FAM81A: variants seen among roughly 807,000 people sequenced by gnomAD.
FAM81A encodes the protein family with sequence similarity 81 member A.
FAM81A carries 19 observed loss-of-function variants against 46.7 expected under a neutral mutation model. That is an observed-to-expected ratio of 0.41 (90% CI 0.28 to 0.60). The LOEUF (loss-of-function observed/expected upper bound fraction) is 0.60. FAM81A is among the 20% of genes least tolerant of loss of function. FAM81A has a pLI of 0.34. For missense variants in FAM81A, 377 were observed against 453.5 expected, an observed-to-expected ratio of 0.83 and a Z score of 1.53; for synonymous variants, 183 against 152.9, an observed-to-expected ratio of 1.20 and a Z score of -1.45.
chr15:59,492,880 T>C (rs2081996196), intron 4 of FAM81A, among the ~76,000 whole-genome samples: 1 of 152,148 alleles, frequency 6.6e-6, no homozygotes, highest in African/African-American at 2.4e-5. Context: ...ACCTGGGACC[T>C]TGTTAGAAAT....
In FAM81A at chr15:59,455,421, A is replaced by G. The variant is rs530237017; in HGVS notation, c.-77-3129A>G. Among the ~76,000 whole-genome samples the G allele has an allele frequency of 6.6e-5, 10 of 152,354 alleles. No individual in the cohort carries two copies. The South Asian group carries it at 1.9e-3, about 28-fold the overall frequency. On this transcript the variant is annotated intron_variant, in intron 1 of 8. Coordinates refer to ENST00000288228, the MANE Select transcript of FAM81A (RefSeq NM_152450.3). ...TCAGTGATCAGATTTATAAACGTAC[A>G]GGAGATGATAACCTCAGGCAGGTAA...
In FAM81A at chr15:59,523,054, A is replaced by G. The variant is rs1233803809; in HGVS notation, c.*1676A>G. ...TTCATGTGGTTCTCCACGTTTAAGC[A>G]CAAACCACAGCACAGGAAGCCACAC... is the stretch of plus-strand genomic sequence containing the variant. On this transcript the variant is annotated 3_prime_UTR_variant, in exon 9 of 9. Transcript: ENST00000288228. 1 of 152,248 alleles carries G rather than the reference A, an allele frequency of 6.6e-6. No homozygotes were observed. Among genetic ancestry groups the G allele is most frequent in the Non-Finnish European group, 1.5e-5 (1 of 68,038 alleles). The allele number at this position is 152,248 out of a possible 1,614,324, so 9.4% of individuals were successfully genotyped here.
intron 2 of FAM81A, among the ~76,000 whole-genome samples, chr15:59,416,994 G>A (rs974544049): frequency 3.9e-5 from 6 of 152,166 alleles, no homozygotes; most frequent in Admixed American, 1.3e-4. Context: ...TTGTGCCGTC[G>A]TGTCTGCATC....
intron 3 of FAM81A, among the ~76,000 whole-genome samples, chr15:59,487,749 T>G (rs2081935810): frequency 6.6e-6 from 1 of 152,092 alleles, no homozygotes; most frequent in African/African-American, 2.4e-5. Context: ...GTAACGAGAT[T>G]GAAGCCATAA....
At chr15:59,487,223 A>G (rs1226489118) in intron 3 of FAM81A, among the ~76,000 whole-genome samples, 1 of 146,610 alleles carries the variant, frequency 6.8e-6, no homozygotes, top group Non-Finnish European at 1.5e-5. Flanking sequence ...TTATATGTAT[A>G]TTATATATAT....
At chr15:59,457,707 T>A (rs752801853) in intron 1 of FAM81A, among the ~76,000 whole-genome samples, 7 of 152,214 alleles carry the variant, frequency 4.6e-5, no homozygotes, top group Non-Finnish European at 8.8e-5. Flanking sequence ...ATGTGCACAT[T>A]TTGAAACTCC....
chr15:59,407,526 A>C (rs2081101653), intron 2 of FAM81A: 1 of 154,914 alleles, frequency 6.5e-6, no homozygotes, highest in East Asian at 1.9e-4. Flanking sequence ...TGATCTCCTG[A>C]CCTCGTGATC....
intron 3 of FAM81A, among the ~76,000 whole-genome samples, chr15:59,475,627 T>A (rs1457530603): frequency 6.6e-6 from 1 of 152,220 alleles, no homozygotes; most frequent in Non-Finnish European, 1.5e-5. Flanking sequence ...CAAGTGATGA[T>A]TTCCGTGATA....
intron 2 of FAM81A, among the ~76,000 whole-genome samples, chr15:59,412,912 G>A (rs987057720): frequency 4.6e-5 from 7 of 152,150 alleles, no homozygotes; most frequent in Non-Finnish European, 1.0e-4. Context: ...TCCTCCCTGA[G>A]CTCCTTTTCA....
intron 1 of FAM81A, among the ~76,000 whole-genome samples, chr15:59,446,954 T>C (rs1429339304): frequency 1.3e-5 from 2 of 152,254 alleles, no homozygotes; most frequent in Non-Finnish European, 2.9e-5. Flanking sequence ...ATGAGCAATT[T>C]ATGCTTTTTG....
chr15:59,478,394 C>T (rs887431868), intron 3 of FAM81A, among the ~76,000 whole-genome samples: 32 of 152,148 alleles, frequency 2.1e-4, no homozygotes, highest in Non-Finnish European at 7.4e-5. Context: ...AGTTTTTGAA[C>T]TTGAGCGATG....
intron 4 of FAM81A, among the ~76,000 whole-genome samples, chr15:59,499,858 C>CTT (rs1307709814): frequency 2.8e-5 from 4 of 142,360 alleles, no homozygotes; most frequent in Admixed American, 2.8e-4. Context: ...TTTTCATTTT[C>CTT]ATTTTTTTTT....
chr15:59,473,641 T>G (rs1294481709), intron 3 of FAM81A, among the ~76,000 whole-genome samples: 1 of 152,198 alleles, frequency 6.6e-6, no homozygotes, highest in African/African-American at 2.4e-5. Flanking sequence ...GGGGGAAGAC[T>G]AGAGATGGGA....
intron 1 of FAM81A, among the ~76,000 whole-genome samples, chr15:59,444,615 C>G (rs536727781): frequency 2.4e-3 from 358 of 152,306 alleles, no homozygotes; most frequent in Non-Finnish European, 3.6e-3. Flanking sequence ...CTCTGGCTGT[C>G]TGGCCTCCTC....
chr15:59,461,259 C>T (rs535361272), intron 3 of FAM81A, among the ~76,000 whole-genome samples: 1 of 152,104 alleles, frequency 6.6e-6, no homozygotes, highest in Non-Finnish European at 1.5e-5. Flanking sequence ...GGAAACCTTA[C>T]AATATGAGGT....
At chr15:59,441,723 G>T (rs762239194) in intron 1 of FAM81A, among the ~76,000 whole-genome samples, 1 of 152,178 alleles carries the variant, frequency 6.6e-6, no homozygotes, top group Non-Finnish European at 1.5e-5. Context: ...TTGCGCCTCT[G>T]TATCTCCCTG....
intron 3 of FAM81A, among the ~76,000 whole-genome samples, chr15:59,468,746 C>T (rs566626870): frequency 6.6e-6 from 1 of 151,224 alleles, no homozygotes; most frequent in East Asian, 1.9e-4. Context: ...TATTTCTTGC[C>T]TTATGCTAGC....
chr15:59,400,110 C>A (rs1408200744), intron 1 of FAM81A, among the ~76,000 whole-genome samples: 1 of 152,070 alleles, frequency 6.6e-6, no homozygotes, highest in Non-Finnish European at 1.5e-5. Flanking sequence ...GGGAAACAGG[C>A]CAGAGGTTCA....
chr15:59,410,243 T>C (rs2081114526), intron 2 of FAM81A, among the ~76,000 whole-genome samples: 1 of 151,896 alleles, frequency 6.6e-6, no homozygotes, highest in Admixed American at 6.6e-5. Flanking sequence ...TTGCAGTGAG[T>C]TGAGATTGCA....
Sources: gnomAD v4.1 joint callset for allele counts (sites outside exome capture counted in the v4.1 genomes callset) on GRCh38, gnomAD v4.1.1 for gene constraint, MANE v1.5 for transcripts, NCBI Gene and HGNC (gene_info 2026-07-23, HGNC 2026-07-21) for gene names.